The following SND1 variants were observed in gnomAD, a reference collection of about 807,000 sequenced individuals.
SND1 encodes the protein staphylococcal nuclease and tudor domain containing 1.
Under a neutral mutation model 121.7 loss-of-function variants are expected in SND1, and 38 were observed. That is an observed-to-expected ratio of 0.31 (90% confidence interval 0.24 to 0.41). The LOEUF (loss-of-function observed/expected upper bound fraction) is 0.41. Among genes scored for constraint, SND1 ranks in the 10% least tolerant of loss-of-function variants. The pLI, the probability that SND1 is intolerant of heterozygous loss-of-function variation, is 1.00. For synonymous variants in SND1, 401 were observed against 447.4 expected, an observed-to-expected ratio of 0.90 and a Z score of 1.31; for missense variants, 868 against 1,184.6, an observed-to-expected ratio of 0.73 and a Z score of 3.92.
intron 16 of SND1, among the ~76,000 whole-genome samples, chr7:128,057,657 C>G (rs1045305681): frequency 3.3e-5 from 5 of 152,086 alleles, no homozygotes; most frequent in African/African-American, 1.2e-4. Flanking sequence ...GAAGTCCCAC[C>G]AAGAAATTTC....
At chr7:127,902,066 G>C (rs991689655) in intron 13 of SND1, among the ~76,000 whole-genome samples, 3 of 152,142 alleles carry the variant, frequency 2.0e-5, no homozygotes, top group African/African-American at 7.2e-5. Flanking sequence ...TTATAGCACA[G>C]AGCTACTTTG....
chr7:127,971,619 C>G (rs1023396141), intron 15 of SND1, among the ~76,000 whole-genome samples: 2 of 152,146 alleles, frequency 1.3e-5, no homozygotes, highest in Non-Finnish European at 2.9e-5. Flanking sequence ...CCTCTCTCCC[C>G]TAAGCCCATT....
At chr7:127,767,502 G>T (rs1797443354) in intron 10 of SND1, among the ~76,000 whole-genome samples, 1 of 152,200 alleles carries the variant, frequency 6.6e-6, no homozygotes. Context: ...CTCCAGCAGG[G>T]AGTCTGTTTT....
chr7:128,032,785 G>C (rs1792667348), intron 16 of SND1, among the ~76,000 whole-genome samples: 1 of 152,138 alleles, frequency 6.6e-6, no homozygotes, highest in South Asian at 2.1e-4. Context: ...CTGCACTGCC[G>C]CCAGCCCCTC....
At chr7:128,076,320 G>A (rs1033056051) in intron 17 of SND1, among the ~76,000 whole-genome samples, 1 of 152,226 alleles carries the variant, frequency 6.6e-6, no homozygotes, top group Non-Finnish European at 1.5e-5. Flanking sequence ...TGATGACGCT[G>A]AGGAGTAATT....
intron 15 of SND1, among the ~76,000 whole-genome samples, chr7:127,952,687 T>C (rs2116856954): frequency 6.6e-6 from 1 of 151,924 alleles, no homozygotes; most frequent in East Asian, 1.9e-4. Flanking sequence ...AACAACAATC[T>C]AGATTATCTC....
intron 15 of SND1, among the ~76,000 whole-genome samples, chr7:127,982,134 A>C (rs1802276552): frequency 6.6e-6 from 1 of 152,196 alleles, no homozygotes; most frequent in South Asian, 2.1e-4. Flanking sequence ...TCAGAAACTT[A>C]AGGCATGTTT....
chr7:128,081,656 C>T (rs1017615827), intron 18 of SND1, among the ~76,000 whole-genome samples, 155 bp downstream of exon 18: 1 of 152,222 alleles, frequency 6.6e-6, no homozygotes, highest in South Asian at 2.1e-4. Flanking sequence ...TGTCTCCCTG[C>T]CTTGTCCCAC....
intron 16 of SND1, among the ~76,000 whole-genome samples, chr7:127,993,898 A>G (rs574501044): frequency 6.6e-6 from 1 of 152,350 alleles, no homozygotes; most frequent in South Asian, 2.1e-4. Flanking sequence ...ATGTGAAACC[A>G]TAAACTAACC....
intron 12 of SND1, among the ~76,000 whole-genome samples, chr7:127,864,075 G>T (rs1799426070): frequency 6.6e-6 from 1 of 151,970 alleles, no homozygotes; most frequent in Non-Finnish European, 1.5e-5. Context: ...TTTCTGAAAT[G>T]TATACTTGAT....
intron 12 of SND1, among the ~76,000 whole-genome samples, chr7:127,871,497 T>C (rs1799585613): frequency 1.3e-5 from 2 of 152,182 alleles, no homozygotes; most frequent in Non-Finnish European, 2.9e-5. Context: ...TATAATCTTA[T>C]GGGATCCACC....
chr7:127,837,865 C>G (rs997507846), intron 11 of SND1, among the ~76,000 whole-genome samples: 1 of 152,092 alleles, frequency 6.6e-6, no homozygotes, highest in Non-Finnish European at 1.5e-5. Flanking sequence ...AAGTAGCACT[C>G]GAACATAAAT....
chr7:127,790,691 G>C (rs1291175097), intron 10 of SND1, among the ~76,000 whole-genome samples: 7 of 152,164 alleles, frequency 4.6e-5, no homozygotes, highest in African/African-American at 1.4e-4. Context: ...GTAATCACCT[G>C]TAGGATTACA....
At chr7:127,910,458 G>A (rs1313314607) in intron 14 of SND1, among the ~76,000 whole-genome samples, 2 of 151,812 alleles carry the variant, frequency 1.3e-5, no homozygotes, top group African/African-American at 4.8e-5. Flanking sequence ...AAAAAAGAGA[G>A]AATTAAAAAA....
Position 128,018,516 on chromosome 7 carries a change from G to C in SND1, c.1779+27460G>C, listed in dbSNP as rs145106202. ...TGGCCCACATATTTGAAGAGGTTTG[G>C]GGGGAAATGAATCTGGCTGAGGAAC... On this transcript the variant is annotated intron_variant, in intron 16 of 23. Coordinates refer to ENST00000354725, the MANE Select transcript of SND1 (RefSeq NM_014390.4). 6.2e-3 allele frequency among the ~76,000 whole-genome samples: 941 copies of C among 152,282 alleles called. 14 individuals are homozygous for C. Among genetic ancestry groups the C allele is most frequent in the Middle Eastern group, 0.02 (6 of 294 alleles).
intron 12 of SND1, among the ~76,000 whole-genome samples, chr7:127,860,218 CA>C (rs1799350841): frequency 6.6e-6 from 1 of 152,170 alleles, no homozygotes; most frequent in Non-Finnish European, 1.5e-5. Flanking sequence ...AAAATTCCTT[CA>C]AACCCCTTCT....
Position 128,074,487 on chromosome 7 carries a change from GTCTC to G in SND1, c.1780-11_1780-8del. 1 of 1,604,124 alleles carries G rather than the reference GTCTC, an allele frequency of 6.2e-7. No homozygotes were observed. The highest frequency in any genetic ancestry group is 1.3e-5 in the African/African-American group (1 of 74,946). ...GCCTGGCCCCCACAGGCTTACGCCT[GTCTC>G]TCTGTCCCAGGTGGAGGTGGAGGTG... On this transcript the variant is annotated splice_polypyrimidine_tract_variant and intron_variant, in intron 16 of 23. Coordinates refer to ENST00000354725, the MANE Select transcript of SND1 (RefSeq NM_014390.4).
chr7:127,974,966 G>A (rs1802080056), intron 15 of SND1, among the ~76,000 whole-genome samples: 1 of 152,106 alleles, frequency 6.6e-6, no homozygotes, highest in Non-Finnish European at 1.5e-5. Flanking sequence ...TTCAGACCTG[G>A]GGGGATCCAT....
chr7:127,756,294 C>T (rs1170712369), intron 10 of SND1, among the ~76,000 whole-genome samples: 1 of 152,010 alleles, frequency 6.6e-6, no homozygotes, highest in Non-Finnish European at 1.5e-5. Flanking sequence ...TTCTTATAAA[C>T]TTGATAATTT....
Sources: gnomAD v4.1 joint callset for allele counts (sites outside exome capture counted in the v4.1 genomes callset) on GRCh38, gnomAD v4.1.1 for gene constraint, MANE v1.5 for transcripts, NCBI Gene and HGNC (gene_info 2026-07-23, HGNC 2026-07-21) for gene names.